The following CGNL1 variants were observed in gnomAD, a reference collection of about 807,000 sequenced individuals.
CGNL1 encodes cingulin like 1.
In CGNL1, 132 loss-of-function variants were observed where a neutral mutation model predicts 141.2. That is an observed-to-expected ratio of 0.93 (90% CI 0.81 to 1.08). The LOEUF is 1.08. CGNL1 is among the 50% of genes least tolerant of loss of function. The pLI is 0.00. For missense variants in CGNL1, 1,870 were observed against 1,588.6 expected (o/e 1.18, Z -3.01); for synonymous variants, 690 against 622.1 (o/e 1.11, Z -1.63).
chr15:57,428,706 A>C (rs2063008183), intron 1 of CGNL1, among the ~76,000 whole-genome samples: 1 of 152,146 alleles, frequency 6.6e-6, no homozygotes, highest in South Asian at 2.1e-4. Context: ...GGAGGAAAAA[A>C]AAATGTCTAA....
intron 1 of CGNL1, among the ~76,000 whole-genome samples, chr15:57,392,507 G>A (rs2062554457): frequency 1.3e-5 from 2 of 152,170 alleles, no homozygotes; most frequent in Admixed American, 6.5e-5. Flanking sequence ...ACCCAACCAA[G>A]CAGCTCAAGT....
At chr15:57,412,444 G>A (rs2062800187) in intron 1 of CGNL1, among the ~76,000 whole-genome samples, 2 of 152,142 alleles carry the variant, frequency 1.3e-5, no homozygotes, top group South Asian at 2.1e-4. Flanking sequence ...GATGTTCTCT[G>A]TATCTGTTAA....
At chr15:57,458,186 C>G (rs1366730820) in intron 7 of CGNL1, among the ~76,000 whole-genome samples, 3 of 152,170 alleles carry the variant, frequency 2.0e-5, no homozygotes, top group Non-Finnish European at 4.4e-5. Flanking sequence ...TCGCCACTCC[C>G]AGACAGCCAG....
At chr15:57,392,036 GA>G (rs146567725) in intron 1 of CGNL1, among the ~76,000 whole-genome samples, 4,202 of 150,826 alleles carry the variant, frequency 0.028, 199 homozygotes, top group African/African-American at 0.098. Flanking sequence ...ATAAGATGGT[GA>G]AAAAAAAGTC....
At chr15:57,487,202 A>G (rs1307779793) in intron 8 of CGNL1, among the ~76,000 whole-genome samples, 1 of 152,224 alleles carries the variant, frequency 6.6e-6, no homozygotes, top group Non-Finnish European at 1.5e-5. Context: ...GCAAATTCAT[A>G]TTATGAAGAA....
At chr15:57,411,403 GC>G (rs1771951838) in intron 1 of CGNL1, among the ~76,000 whole-genome samples, 1 of 151,640 alleles carries the variant, frequency 6.6e-6, no homozygotes, top group Admixed American at 6.6e-5. Context: ...TGATATTTGT[GC>G]CATGCACTGT....
At chr15:57,504,812 G>A (rs1173077598) in intron 8 of CGNL1, among the ~76,000 whole-genome samples, 1 of 152,224 alleles carries the variant, frequency 6.6e-6, no homozygotes. Flanking sequence ...GGGCAGGGAA[G>A]CACATTGCAT....
At chr15:57,407,784 T>A (rs2062740219) in intron 1 of CGNL1, among the ~76,000 whole-genome samples, 1 of 151,746 alleles carries the variant, frequency 6.6e-6, no homozygotes. Context: ...GTTTCACTCT[T>A]TTTGCCTAGG....
At chr15:57,416,376 C>A (rs2062849680) in intron 1 of CGNL1, among the ~76,000 whole-genome samples, 1 of 152,064 alleles carries the variant, frequency 6.6e-6, no homozygotes, top group Non-Finnish European at 1.5e-5. Flanking sequence ...GCTGTTGGAA[C>A]CTCAGCTCAC....
rs116269835 is a variant in CGNL1 at position 57,481,340 on chromosome 15, C to G, written c.2403+19448C>G. ...TTGTCCTTTTATAGCCATGCCATCT[C>G]GCTTTCCCTCCCATCCCTCCTTGAC... On this transcript the variant is annotated intron_variant, in intron 8 of 18. Transcript: ENST00000281282. Among the ~76,000 whole-genome samples, 1,279 of 152,232 alleles carry G rather than the reference C, an allele frequency of 8.4e-3. 21 individuals are homozygous for G. The highest frequency in any genetic ancestry group is 0.029 in the African/African-American group (1,215 of 41,520).
chr15:57,396,203 C>T, intron 1 of CGNL1, among the ~76,000 whole-genome samples: 1 of 150,940 alleles, frequency 6.6e-6, no homozygotes, highest in East Asian at 1.9e-4. Context: ...CTGTTGATCT[C>T]TTCTACTGTT....
chr15:57,548,292 C>G lies in CGNL1; in HGVS notation c.*802C>G, dbSNP rs1026657983. On this transcript the variant is annotated 3_prime_UTR_variant, in exon 19 of 19. Transcript: ENST00000281282. ...CTGAGATTACAGGCATGAGCCACCA[C>G]GCCCAGCCATTGAGTATTCTTTTTT... The G allele has an allele frequency of 6.6e-6, 1 of 152,162 alleles. No individual in the cohort carries two copies. Among genetic ancestry groups the G allele is most frequent in the Non-Finnish European group, 1.5e-5 (1 of 68,070 alleles). The allele number at this position is 152,162 out of a possible 1,614,324, so 9.4% of individuals were successfully genotyped here.
At chr15:57,388,290 C>A (rs575953396) in intron 1 of CGNL1, among the ~76,000 whole-genome samples, 26 of 148,980 alleles carry the variant, frequency 1.7e-4, no homozygotes, top group African/African-American at 6.7e-4. Flanking sequence ...CCGGAGTTGT[C>A]ATTAGAGGAG....
chr15:57,474,923 A>G (rs1303769961), intron 8 of CGNL1, among the ~76,000 whole-genome samples: 3 of 152,242 alleles, frequency 2.0e-5, no homozygotes, highest in Non-Finnish European at 4.4e-5. Flanking sequence ...GTCAAGAAGA[A>G]GTCCTAAGTT....
chr15:57,461,624 G>T, intron 7 of CGNL1, 56 bp from the exon 8 acceptor site: 1 of 1,448,274 alleles, frequency 6.9e-7, no homozygotes, highest in Non-Finnish European at 9.7e-7. Flanking sequence ...GAGATACAGG[G>T]CCTCTCAACA....
intron 1 of CGNL1, among the ~76,000 whole-genome samples, chr15:57,418,543 G>C (rs373217876): frequency 6.6e-5 from 10 of 152,104 alleles, no homozygotes; most frequent in African/African-American, 2.4e-4. Context: ...CTGTAAGATG[G>C]CAGTTTGCTG....
intron 4 of CGNL1, among the ~76,000 whole-genome samples, chr15:57,450,460 A>G (rs923187023): frequency 1.3e-5 from 2 of 152,170 alleles, no homozygotes. Context: ...TATTTTTAGC[A>G]GAGATGGGGT....
chr15:57,506,947 C>T (rs1389834825), intron 8 of CGNL1, among the ~76,000 whole-genome samples: 9 of 152,200 alleles, frequency 5.9e-5, no homozygotes, highest in Non-Finnish European at 8.8e-5. Flanking sequence ...TCATATAACA[C>T]AAAATTCATT....
At chr15:57,488,320 T>G (rs1016465739) in intron 8 of CGNL1, among the ~76,000 whole-genome samples, 2 of 152,204 alleles carry the variant, frequency 1.3e-5, no homozygotes, top group Non-Finnish European at 2.9e-5. Flanking sequence ...ATATTTAATT[T>G]GCAAAATTTT....
Sources: allele counts gnomAD v4.1 joint callset (sites outside exome capture counted in the v4.1 genomes callset), GRCh38; gene constraint gnomAD v4.1.1; transcripts MANE v1.5; gene names NCBI Gene and HGNC (gene_info 2026-07-23, HGNC 2026-07-21).